Variants in GTF3C1 observed in about 807,000 individuals in gnomAD.
GTF3C1 encodes the protein general transcription factor IIIC subunit 1.
GTF3C1 carries 57 observed loss-of-function variants against 226.7 expected under a neutral mutation model. The observed-to-expected ratio is 0.25, with a 90% confidence interval of 0.20 to 0.31. The LOEUF is 0.31. GTF3C1 is among the 10% of genes least tolerant of loss of function. GTF3C1 has a pLI of 1.00. For synonymous variants in GTF3C1, 1,090 were observed against 1,084.8 expected (o/e 1.00, Z -0.09); for missense variants, 2,217 against 2,776.1 (o/e 0.80, Z 4.53).
At chr16:27,480,915 G>A in intron 27 of GTF3C1, 164 bp downstream of exon 27, 1 of 619,716 alleles carries the variant, frequency 1.6e-6, no homozygotes, top group Non-Finnish European at 2.9e-6. Context: ...GTCCCATTCT[G>A]TGTTCAAGTC....
intron 29 of GTF3C1, 127 bp downstream of exon 29, chr16:27,476,324 G>A: frequency 1.6e-6 from 1 of 611,540 alleles, no homozygotes; most frequent in East Asian, 2.7e-5. Context: ...TGAAAGACAT[G>A]TGGGCTGGCA....
rs2088173089 is a variant in GTF3C1 at position 27,488,237 on chromosome 16, T to C, written c.3690A>G (p.Arg1230=). The C allele has an allele frequency of 6.2e-7, 1 of 1,613,716 alleles. No individual in the cohort carries two copies. Among genetic ancestry groups the C allele is most frequent in the Middle Eastern group, 1.7e-4 (1 of 6,058 alleles). Residue 1230 remains arginine, a synonymous_variant, in exon 23 of 37, where the codon AGA becomes AGG. Coordinates refer to ENST00000356183, the MANE Select transcript of GTF3C1 (RefSeq NM_001520.4). ...LKKDPGKKIK[R]KKKGEFPGEK... ...TGATCACCACATAACCTTTCTTCTT[T>C]CTCTTGATCTTCTTCCCAGGGTCCT...
chr16:27,533,743 C>T (rs189411997), intron 4 of GTF3C1, among the ~76,000 whole-genome samples: 4 of 152,238 alleles, frequency 2.6e-5, no homozygotes, highest in African/African-American at 4.8e-5. Flanking sequence ...GGTGAGGGGC[C>T]GGGCAAAATC....
At chr16:27,533,827 G>A (rs537843106) in intron 4 of GTF3C1, among the ~76,000 whole-genome samples, 1 of 152,272 alleles carries the variant, frequency 6.6e-6, no homozygotes, top group South Asian at 2.1e-4. Context: ...CCAACATGGT[G>A]AAAACCTATC....
At position 27,505,894 on chromosome 16, in the gene GTF3C1, C is replaced by T; in HGVS notation, c.1770+5G>A. 2 of 1,548,270 alleles carry T rather than the reference C, an allele frequency of 1.3e-6. No individual in the cohort carries two copies. The highest frequency in any genetic ancestry group is 1.8e-6 in the Non-Finnish European group (2 of 1,119,896). The stretch of plus-strand genomic sequence containing the variant: ...AGACAGCTCCCTCCCTCTGCATGCA[C>T]TGACCTTTGGGTTTTCCATCCGGAC... On this transcript the variant is annotated splice_donor_5th_base_variant and intron_variant, in intron 10 of 36. Coordinates refer to ENST00000356183, the MANE Select transcript of GTF3C1 (RefSeq NM_001520.4).
At position 27,495,272 on chromosome 16, in the gene GTF3C1, T is replaced by C. The variant is rs752804615; in HGVS notation, c.2571A>G (p.Pro857=). 4 of 1,613,490 alleles carry C rather than the reference T, an allele frequency of 2.5e-6. No homozygotes were observed. Among genetic ancestry groups the C allele is most frequent in the Non-Finnish European group, 3.4e-6 (4 of 1,179,710 alleles). The change falls in exon 15 of 37, where the codon CCA becomes CCG. Residue 857 remains proline, a synonymous_variant. Coordinates refer to ENST00000356183, the MANE Select transcript of GTF3C1 (RefSeq NM_001520.4). ...GSAWEACSEA[P]SKGSQDGVTW... ...TGACACCATCTTGGCTGCCTTTAGA[T>C]GGGGCTTCAGAGCAGGCCTCCCAGG...
chr16:27,489,855 TC>T, intron 19 of GTF3C1, 112 bp from the exon 20 acceptor site: 1 of 1,097,310 alleles, frequency 9.1e-7, no homozygotes. Flanking sequence ...GTGAAAAGGC[TC>T]CCCGGCCACT....
At position 27,471,587 on chromosome 16, in the gene GTF3C1, G is replaced by C. The variant is rs2087871042; in HGVS notation, c.4526+161C>G. 1.6e-6 allele frequency: 1 copy of C among 621,280 alleles called. No individual in the cohort carries two copies. Among genetic ancestry groups the C allele is most frequent in the Admixed American group, 2.8e-5 (1 of 35,984 alleles). The allele number at this position is 621,280 out of a possible 1,614,324, so 38.5% of individuals were successfully genotyped here. On this transcript the variant is annotated intron_variant, in intron 30 of 36. Coordinates refer to ENST00000356183, the MANE Select transcript of GTF3C1 (RefSeq NM_001520.4). The surrounding 1 kb of genome is among the most constrained non-coding windows in gnomAD (Gnocchi z 5.0). ...CACCTGATCCCCATACCACGAAGGA[G>C]GTAAGGGGCTGCAGGAAACCCAAGC...
In GTF3C1 at chr16:27,463,142, G is replaced by GT; in HGVS notation, c.5924+398dup. The GT allele has an allele frequency of 4.4e-6, 1 of 225,642 alleles. No homozygotes were observed. Among genetic ancestry groups the GT allele is most frequent in the Non-Finnish European group, 8.6e-6 (1 of 116,562 alleles). 14.0% of individuals were successfully genotyped at this position (225,642 alleles called of 1,614,324 possible). ...GGCTTCTGCGGCCCCCTTGCTTCCT[G>GT]TAACTCTGTGGCATGGTTGTCCCGG... On this transcript the variant is annotated intron_variant, in intron 35 of 36. Coordinates refer to ENST00000356183, the MANE Select transcript of GTF3C1 (RefSeq NM_001520.4). The surrounding 1 kb of genome is among the most constrained non-coding windows in gnomAD (Gnocchi z 4.9).
In GTF3C1 at chr16:27,492,394, T is replaced by C; in HGVS notation, c.3095A>G (p.Gln1032Arg). 1 of 1,611,004 alleles carries C rather than the reference T, an allele frequency of 6.2e-7. No individual in the cohort carries two copies. The highest frequency in any genetic ancestry group is 1.1e-5 in the South Asian group (1 of 90,986). Reference protein sequence around the residue: ...ERRLYVLNSMQDVENYWFDLQ... With the variant: ...ERRLYVLNSMRDVENYWFDLQ... The stretch of plus-strand genomic sequence containing the variant: ...GTCAAACCAGTAGTTTTCCACATCC[T>C]GCATTGAGTTCAGGACATAGAGGCG... Residue 1032 changes from glutamine to arginine, a missense_variant, in exon 19 of 37, where the codon CAG becomes CGG. Gln to Arg is a conservative substitution (Grantham distance 43). Transcript: ENST00000356183. The surrounding 1 kb of genome is among the most constrained non-coding windows in gnomAD (Gnocchi z 5.0).
intron 5 of GTF3C1, among the ~76,000 whole-genome samples, chr16:27,530,163 G>A (rs1567412102): frequency 2.6e-5 from 4 of 152,130 alleles, no homozygotes; most frequent in Non-Finnish European, 4.4e-5. Context: ...GGCTGCCGCC[G>A]CCACATATGT....
chr16:27,534,399 C>G (rs146757846), intron 4 of GTF3C1, among the ~76,000 whole-genome samples: 1 of 152,156 alleles, frequency 6.6e-6, no homozygotes, highest in Non-Finnish European at 1.5e-5. Context: ...ACAGTCCTAG[C>G]AGAAGGGAGA....
At chr16:27,499,406 T>C (rs970939464) in intron 12 of GTF3C1, among the ~76,000 whole-genome samples, 1 of 152,104 alleles carries the variant, frequency 6.6e-6, no homozygotes, top group Non-Finnish European at 1.5e-5. Flanking sequence ...ACACCAGCCA[T>C]GTTGTGGCAG....
intron 5 of GTF3C1, among the ~76,000 whole-genome samples, chr16:27,532,190 G>T (rs1304359663): frequency 1.3e-5 from 2 of 152,146 alleles, no homozygotes; most frequent in African/African-American, 4.8e-5. Flanking sequence ...ATTTTTAACA[G>T]ACCAAGTCTG....
At chr16:27,521,699 CAT>C (rs1320717846) in intron 6 of GTF3C1, among the ~76,000 whole-genome samples, 3 of 152,240 alleles carry the variant, frequency 2.0e-5, no homozygotes, top group African/African-American at 7.2e-5. Flanking sequence ...GCCATATTAA[CAT>C]GTCTTTCTTT....
At chr16:27,480,181 G>A (rs1485555845) in intron 27 of GTF3C1, among the ~76,000 whole-genome samples, 1 of 147,422 alleles carries the variant, frequency 6.8e-6, no homozygotes, top group Non-Finnish European at 1.5e-5. Context: ...AGCCCGGGGG[G>A]CCGGGGTGAG....
Position 27,471,504 on chromosome 16 carries a change from C to A in GTF3C1, c.4526+244G>T, listed in dbSNP as rs1021019742. ...ATTTCACTCCATCTGACGAGAGAAA[C>A]GGAAACAAACCACCTGCAAAATGGT... On this transcript the variant is annotated intron_variant, in intron 30 of 36. Transcript: ENST00000356183. This position sits in a 1 kb window ranked among gnomAD's most constrained non-coding sequence, Gnocchi z 5.0. The A allele has an allele frequency of 2.0e-6, 1 of 490,474 alleles. No individual in the cohort carries two copies. The highest frequency in any genetic ancestry group is 3.4e-5 in the Admixed American group (1 of 29,164). The allele number at this position is 490,474 out of a possible 1,614,324, so 30.4% of individuals were successfully genotyped here.
chr16:27,534,406 G>C (rs1380807570), intron 4 of GTF3C1, among the ~76,000 whole-genome samples: 1 of 151,988 alleles, frequency 6.6e-6, no homozygotes, highest in African/African-American at 2.4e-5. Context: ...TAGCAGAAGG[G>C]AGAGCACACG....
chr16:27,500,438 T>G (rs1378975606), intron 12 of GTF3C1, among the ~76,000 whole-genome samples: 1 of 152,238 alleles, frequency 6.6e-6, no homozygotes, highest in Non-Finnish European at 1.5e-5. Context: ...TTCAAATTTC[T>G]CAAAAAATAA....
Sources: gnomAD v4.1 joint callset for allele counts (sites outside exome capture counted in the v4.1 genomes callset) on GRCh38, gnomAD v4.1.1 for gene constraint, Gnocchi (gnomAD v3.1) non-coding constraint, MANE v1.5 for transcripts, NCBI Gene and HGNC (gene_info 2026-07-23, HGNC 2026-07-21) for gene names.